RAB2A: variants seen among roughly 807,000 people sequenced by gnomAD.
RAB2A encodes ras-related protein Rab-2A.
In RAB2A, 7 loss-of-function variants were observed where a neutral mutation model predicts 32.5. The ratio of observed to expected loss-of-function variants is 0.22; its 90% confidence interval spans 0.12 to 0.40. The LOEUF is 0.40. RAB2A is among the 10% of genes least tolerant of loss of function. The probability of loss-of-function intolerance (pLI) is 1.00; values close to 1 mark genes in which losing one functional copy is unlikely to be tolerated. For synonymous variants in RAB2A, 79 were observed against 85.2 expected (o/e 0.93, Z 0.40); for missense variants, 108 against 260.7 (o/e 0.41, Z 4.03).
intron 5 of RAB2A, among the ~76,000 whole-genome samples, chr8:60,588,094 G>A (rs1430913514): frequency 1.3e-5 from 2 of 152,102 alleles, no homozygotes; most frequent in Non-Finnish European, 2.9e-5. Flanking sequence ...GCAATGTAGG[G>A]AGACTTCTTC....
intron 1 of RAB2A, among the ~76,000 whole-genome samples, chr8:60,542,478 TG>T (rs1807661811): frequency 6.6e-6 from 1 of 151,830 alleles, no homozygotes; most frequent in Non-Finnish European, 1.5e-5. Context: ...ATCGCGCCAC[TG>T]TACTCCTGCC....
At chr8:60,591,997 A>C in intron 6 of RAB2A, 28 bp downstream of exon 6, 1 of 1,295,316 alleles carries the variant, frequency 7.7e-7, no homozygotes, top group Middle Eastern at 2.0e-4. Flanking sequence ...TAAAATCTTC[A>C]TCTTTATACT....
At chr8:60,548,553 C>A (rs564144730) in intron 1 of RAB2A, among the ~76,000 whole-genome samples, 1 of 125,062 alleles carries the variant, frequency 8.0e-6, no homozygotes, top group Non-Finnish European at 1.7e-5. Context: ...GGCGGCTGGC[C>A]GGGCAGAGGG....
intron 1 of RAB2A, among the ~76,000 whole-genome samples, chr8:60,532,682 G>A (rs1176522807): frequency 6.6e-6 from 1 of 152,106 alleles, no homozygotes; most frequent in Non-Finnish European, 1.5e-5. Flanking sequence ...GGCTATTTTT[G>A]TATTTTTTGT....
intron 6 of RAB2A, among the ~76,000 whole-genome samples, chr8:60,610,882 A>G (rs1445728843): frequency 1.3e-5 from 2 of 152,224 alleles, no homozygotes; most frequent in Non-Finnish European, 2.9e-5. Context: ...GCCATCTACC[A>G]AGAGTTTCCC....
At chr8:60,608,609 AC>A (rs1050384518) in intron 6 of RAB2A, among the ~76,000 whole-genome samples, 5 of 40,042 alleles carry the variant, frequency 1.2e-4, no homozygotes, top group Non-Finnish European at 2.6e-4. Flanking sequence ...CTCTTCCTTT[AC>A]CCCCACCCCA....
At chr8:60,600,916 A>C (rs773003743) in intron 6 of RAB2A, among the ~76,000 whole-genome samples, 1 of 152,236 alleles carries the variant, frequency 6.6e-6, no homozygotes, top group African/African-American at 2.4e-5. Context: ...TGAAGTCACT[A>C]CTGGGGGGAA....
chr8:60,621,161 C>CT lies in RAB2A; in HGVS notation c.*395dup, dbSNP rs200305948. On this transcript the variant is annotated 3_prime_UTR_variant, in exon 8 of 8. Coordinates refer to ENST00000262646, the MANE Select transcript of RAB2A (RefSeq NM_002865.3). The stretch of plus-strand genomic sequence containing the variant: ...AATATTATAGAACTGTCCTCAGAAA[C>CT]TTTGTCAATTTTCACGGCTATAAGG... 1 of 159,022 alleles carries CT rather than the reference C, an allele frequency of 6.3e-6. No individual in the cohort carries two copies. Among genetic ancestry groups the CT allele is most frequent in the Non-Finnish European group, 1.4e-5 (1 of 72,336 alleles). 9.9% of individuals were successfully genotyped at this position (159,022 alleles called of 1,614,324 possible). A position where few individuals can be genotyped will look rare whatever the true frequency, so the allele number is the denominator to read the frequency against.
intron 2 of RAB2A, among the ~76,000 whole-genome samples, chr8:60,571,409 AT>A (rs1808195381): frequency 6.6e-6 from 1 of 152,202 alleles, no homozygotes; most frequent in African/African-American, 2.4e-5. Context: ...ATGTTTATTG[AT>A]TTGCCAGGAT....
chr8:60,541,689 C>T (rs532069990), intron 1 of RAB2A, among the ~76,000 whole-genome samples: 1 of 152,244 alleles, frequency 6.6e-6, no homozygotes, highest in African/African-American at 2.4e-5. Flanking sequence ...CTCCATTAAC[C>T]ATTGTGTAAC....
intron 7 of RAB2A, 59 bp downstream of exon 7, chr8:60,618,707 T>C: frequency 3.4e-6 from 2 of 588,614 alleles, no homozygotes; most frequent in Non-Finnish European, 4.7e-6. Flanking sequence ...TTGATTACTA[T>C]TTTATATTTT....
chr8:60,543,131 A>G (rs1807672869), intron 1 of RAB2A, among the ~76,000 whole-genome samples: 1 of 152,238 alleles, frequency 6.6e-6, no homozygotes, highest in East Asian at 1.9e-4. Flanking sequence ...AAGAGTCTTA[A>G]GAGGAATGAA....
chr8:60,517,385 C>A, intron 1 of RAB2A, 132 bp downstream of exon 1: 1 of 875,604 alleles, frequency 1.1e-6, no homozygotes, highest in Non-Finnish European at 1.6e-6. Flanking sequence ...CGCTCCATTT[C>A]CGCAGTGCTG....
chr8:60,539,130 C>G (rs1297110944), intron 1 of RAB2A, among the ~76,000 whole-genome samples: 1 of 152,154 alleles, frequency 6.6e-6, no homozygotes, highest in African/African-American at 2.4e-5. Context: ...AATTCATTCC[C>G]TGAGCATCTG....
chr8:60,615,114 C>T (rs1804426717), intron 6 of RAB2A, among the ~76,000 whole-genome samples: 1 of 152,172 alleles, frequency 6.6e-6, no homozygotes, highest in Non-Finnish European at 1.5e-5. Flanking sequence ...TTGCCTACTG[C>T]TTGTCCCTTA....
chr8:60,583,949 C>A, intron 3 of RAB2A: 1 of 294,188 alleles, frequency 3.4e-6, no homozygotes, highest in Non-Finnish European at 6.6e-6. Flanking sequence ...CAGGGATTGC[C>A]AAAAAGGGTT....
intron 1 of RAB2A, among the ~76,000 whole-genome samples, chr8:60,534,682 T>C (rs1004865728): frequency 2.0e-5 from 3 of 152,138 alleles, no homozygotes; most frequent in Non-Finnish European, 4.4e-5. Flanking sequence ...ATGTACAAAA[T>C]GTGGCAGTAA....
chr8:60,536,958 G>A (rs985570705), intron 1 of RAB2A, among the ~76,000 whole-genome samples: 4 of 152,192 alleles, frequency 2.6e-5, no homozygotes, highest in East Asian at 1.9e-4. Context: ...CTCTGTCCTC[G>A]TAAATATCAA....
Position 60,591,909 on chromosome 8 carries a change from A to G in RAB2A, c.414A>G (p.Ala138=), listed in dbSNP as rs1381962638. ...EVKKEEGEAF[A]REHGLIFMET... is the part of the protein sequence containing the mutation. ...AAAAAGAAGAAGGTGAAGCTTTTGC[A>G]CGAGAACATGGACTCATCTTCATGG... is the stretch of plus-strand genomic sequence containing the variant. The change falls in exon 6 of 8, where the codon GCA becomes GCG. Residue 138 remains alanine (A), a synonymous_variant. Transcript: ENST00000262646. 1.2e-6 allele frequency: 2 copies of G among 1,613,192 alleles called. No individual in the cohort carries two copies. Among genetic ancestry groups the G allele is most frequent in the Admixed American group, 1.7e-5 (1 of 60,010 alleles).
Sources: gnomAD v4.1 joint callset for allele counts (sites outside exome capture counted in the v4.1 genomes callset) on GRCh38, gnomAD v4.1.1 for gene constraint, MANE v1.5 for transcripts, NCBI Gene and HGNC (gene_info 2026-07-23, HGNC 2026-07-21) for gene names.